Variants in FOXK1 observed in about 807,000 individuals in gnomAD.
FOXK1 encodes the protein forkhead box protein K1.
A neutral mutation model predicts 51.9 loss-of-function variants in FOXK1; 19 were observed. The observed-to-expected ratio is 0.37, with a 90% CI of 0.26 to 0.54. FOXK1 has a LOEUF of 0.54. Ranked by LOEUF, FOXK1 falls within the 20% of genes least tolerant of loss-of-function variation. The probability of loss-of-function intolerance (pLI) is 0.87; values close to 1 mark genes in which losing one functional copy is unlikely to be tolerated. For synonymous variants in FOXK1, 537 were observed against 482.6 expected (o/e 1.11, Z -1.48); for missense variants, 870 against 1,032.7 (o/e 0.84, Z 2.16).
At position 4,725,247 on chromosome 7, in the gene FOXK1, C is replaced by T. The variant is rs551519934; in HGVS notation, c.561-15591C>T. On this transcript the variant is annotated intron_variant, in intron 1 of 8. Coordinates refer to ENST00000328914, the MANE Select transcript of FOXK1 (RefSeq NM_001037165.2). ...CCTCTTGAGAATAGCAGTGCCCAGG[C>T]TTTGGCCCAGGTGGCCGGAACGCCC... Among the ~76,000 whole-genome samples the T allele has an allele frequency of 6.4e-3, 974 of 152,382 alleles. 10 individuals are homozygous for T. Among genetic ancestry groups the T allele is most frequent in the Non-Finnish European group, 9.7e-3 (661 of 68,044 alleles).
chr7:4,708,870 T>G (rs1024320003), intron 1 of FOXK1, among the ~76,000 whole-genome samples: 3 of 151,974 alleles, frequency 2.0e-5, no homozygotes, highest in African/African-American at 4.8e-5. Flanking sequence ...TTCAAGACCA[T>G]CCTGGTCAAC....
chr7:4,768,336 G>A lies in FOXK1; in HGVS notation c.*5872G>A, dbSNP rs1458762279. The A allele has an allele frequency of 7.2e-6, 1 of 139,324 alleles. No homozygotes were observed. The highest frequency in any genetic ancestry group is 1.5e-5 in the Non-Finnish European group (1 of 67,166). The allele number at this position is 139,324 out of a possible 1,614,324, so 8.6% of individuals were successfully genotyped here. A position where few individuals can be genotyped will look rare whatever the true frequency, so the allele number is the denominator to read the frequency against. ...TTTAGTAGAGACGGGGTTTCACCGT[G>A]TTAGCCAGGATGGTCTCGATCTCCT... is the stretch of plus-strand genomic sequence containing the variant. On this transcript the variant is annotated 3_prime_UTR_variant, in exon 9 of 9. Transcript: ENST00000328914.
At chr7:4,726,814 C>A (rs930034876) in intron 1 of FOXK1, among the ~76,000 whole-genome samples, 2 of 152,236 alleles carry the variant, frequency 1.3e-5, no homozygotes, top group Non-Finnish European at 2.9e-5. Context: ...TTCCCTCAAA[C>A]TCTGTGTATT....
chr7:4,726,538 C>T (rs1211609642), intron 1 of FOXK1, among the ~76,000 whole-genome samples: 1 of 152,058 alleles, frequency 6.6e-6, no homozygotes, highest in African/African-American at 2.4e-5. Flanking sequence ...AGGAGAATCG[C>T]TTGAACCCGA....
At chr7:4,705,552 T>TCACTCTCG (rs760518643) in intron 1 of FOXK1, among the ~76,000 whole-genome samples, 1 of 143,582 alleles carries the variant, frequency 7.0e-6, no homozygotes, top group Non-Finnish European at 1.5e-5. Flanking sequence ...TCTCTCTCTC[T>TCACTCTCG]CTCTCTCGCT....
rs560777129 is a variant in FOXK1 at position 4,703,893 on chromosome 7, T to A, written c.560+21025T>A. Among the ~76,000 whole-genome samples the A allele has an allele frequency of 1.3e-5, 2 of 152,294 alleles. No homozygotes were observed. Among genetic ancestry groups the A allele is most frequent in the East Asian group, 3.9e-4 (2 of 5,180 alleles). On this transcript the variant is annotated intron_variant, in intron 1 of 8. Coordinates refer to ENST00000328914, the MANE Select transcript of FOXK1 (RefSeq NM_001037165.2). This position sits in a 1 kb window ranked among gnomAD's most constrained non-coding sequence, Gnocchi z 5.6. ...TGGCAGTCACATTACATTATGACCA[T>A]GAAGGCTAAATACTCCCAGTCACTA...
In FOXK1 at chr7:4,747,114, T is replaced by C. The variant is rs1476238965; in HGVS notation, c.746+6091T>C. On this transcript the variant is annotated intron_variant, in intron 2 of 8. Transcript: ENST00000328914. This position sits in a 1 kb window ranked among gnomAD's most constrained non-coding sequence, Gnocchi z 9.2. ...AAGTCCTTGTGTTTGTCCGAATCTG[T>C]TGAAAGGACATCCCCACGCCCGCGT... Among the ~76,000 whole-genome samples, 1 of 152,180 alleles carries C rather than the reference T, an allele frequency of 6.6e-6. No homozygotes were observed. The highest frequency in any genetic ancestry group is 2.4e-5 in the African/African-American group (1 of 41,446).
Position 4,735,181 on chromosome 7 carries a change from A to T in FOXK1, c.561-5657A>T, listed in dbSNP as rs1452614834. 6.6e-6 allele frequency among the ~76,000 whole-genome samples: 1 copy of T among 151,664 alleles called. No individual in the cohort carries two copies. The highest frequency in any genetic ancestry group is 6.6e-5 in the Admixed American group (1 of 15,200). ...GCCAGTTCCAGCTCGCTGTGTAGAG[A>T]CGGCTCTGTGGTCTGAGGCTGAGCC... On this transcript the variant is annotated intron_variant, in intron 1 of 8. Coordinates refer to ENST00000328914, the MANE Select transcript of FOXK1 (RefSeq NM_001037165.2). The surrounding 1 kb of genome is among the most constrained non-coding windows in gnomAD (Gnocchi z 4.7).
intron 2 of FOXK1, among the ~76,000 whole-genome samples, chr7:4,741,383 C>G (rs972876830): frequency 2.0e-5 from 3 of 152,060 alleles, no homozygotes; most frequent in Non-Finnish European, 2.9e-5. Context: ...GGCTAGAGAG[C>G]AGTGGCGCGA....
In FOXK1 at chr7:4,722,564, G is replaced by A. The variant is rs539941501; in HGVS notation, c.561-18274G>A. On this transcript the variant is annotated intron_variant, in intron 1 of 8. Transcript: ENST00000328914. This position sits in a 1 kb window ranked among gnomAD's most constrained non-coding sequence, Gnocchi z 5.1. ...TCGTGCCTGTTAACCGCACACCTGC[G>A]TGCAGCACGGGCACACTCGTATACA... Among the ~76,000 whole-genome samples, 215 of 152,356 alleles carry A rather than the reference G, an allele frequency of 1.4e-3. 1 individual carries two copies. The highest frequency in any genetic ancestry group is 3.4e-3 in the Middle Eastern group (1 of 294).
In FOXK1 at chr7:4,755,368, C is replaced by T. The variant is rs112344773; in HGVS notation, c.1035C>T (p.Ala345=). The T allele has an allele frequency of 1.6e-4, 256 of 1,613,536 alleles. No homozygotes were observed. The African/African-American group carries it at 2.4e-3, about 15-fold the overall frequency. ...AGCATTACCCCTACTACCGGACGGC[C>T]GACAAAGGCTGGCAGGTGAAGCCGA... ...ITKHYPYYRT[A]DKGWQNSIRH... is the part of the protein sequence containing the mutation. The change falls in exon 4 of 9, where the codon GCC becomes GCT. Residue 345 remains alanine (A), a synonymous_variant. Coordinates refer to ENST00000328914, the MANE Select transcript of FOXK1 (RefSeq NM_001037165.2). The surrounding 1 kb of genome is among the most constrained non-coding windows in gnomAD (Gnocchi z 6.6).
Position 4,704,450 on chromosome 7 carries a change from C to CAAAA in FOXK1, c.560+21597_560+21600dup, listed in dbSNP as rs3050383. Among the ~76,000 whole-genome samples, 32 of 66,432 alleles carry CAAAA rather than the reference C, an allele frequency of 4.8e-4. 1 individual carries two copies. The highest frequency in any genetic ancestry group is 1.6e-3 in the African/African-American group (30 of 19,352). 43.6% of individuals were successfully genotyped at this position (66,432 alleles called of 152,430 possible). A position where few individuals can be genotyped will look rare whatever the true frequency, so the allele number is the denominator to read the frequency against. On this transcript the variant is annotated intron_variant, in intron 1 of 8. Transcript: ENST00000328914. ...TGGGCAACAGAGTGAGACTCTGTCT[C>CAAAA]AAAAAAAAAAAAAAAAAAGAAAAGA... is the stretch of plus-strand genomic sequence containing the variant.
rs1168010459 is a variant in FOXK1, at chr7:4,682,470, G to GCCGCCGCCA, written c.170_178dup (p.Pro57_Pro59dup). 1.6e-4 allele frequency: 154 copies of GCCGCCGCCA among 986,198 alleles called. 1 individual carries two copies. In the South Asian group the frequency reaches 2.6e-3, roughly 17 times the overall value. 61.1% of individuals were successfully genotyped at this position (986,198 alleles called of 1,614,324 possible). A position where few individuals can be genotyped will look rare whatever the true frequency, so the allele number is the denominator to read the frequency against. The stretch of plus-strand genomic sequence containing the variant: ...CCCAGCCTCCGCCCGGGCCGCCGCC[G>GCCGCCGCCA]CCGCCGCCACCGCCGCTGCCTCCGG... On this transcript the variant is annotated inframe_insertion, in exon 1 of 9. Transcript: ENST00000328914. This position sits in a 1 kb window ranked among gnomAD's most constrained non-coding sequence, Gnocchi z 7.6.
In FOXK1 at chr7:4,759,493, G is replaced by A; in HGVS notation, c.1594G>A (p.Ala532Thr). The A allele has an allele frequency of 6.3e-7, 1 of 1,578,224 alleles. No homozygotes were observed. The highest frequency in any genetic ancestry group is 8.6e-7 in the Non-Finnish European group (1 of 1,168,124). Residue 532 changes from alanine to threonine, a missense_variant, in exon 7 of 9, where the codon GCC becomes ACC. This residue lies in a region of FOXK1 where 457 missense variants were observed against 510.8 expected (regional missense o/e 0.89). Transcript: ENST00000328914. ...VTMVRVVTTS[A>T]NSANGYILTS... Reference sequence around the variant, plus strand: ...CATGGTCAGGGTGGTCACCACATCTGCCAACTCGGCCAACGGATACATCCT... The same window carrying A: ...CATGGTCAGGGTGGTCACCACATCTACCAACTCGGCCAACGGATACATCCT...
chr7:4,688,180 C>T (rs1779844393), intron 1 of FOXK1, among the ~76,000 whole-genome samples: 2 of 149,998 alleles, frequency 1.3e-5, no homozygotes, highest in South Asian at 2.1e-4. Flanking sequence ...TTCCCCCTCG[C>T]CCCAGTTCTT....
chr7:4,724,278 C>G (rs981824331), intron 1 of FOXK1, among the ~76,000 whole-genome samples: 2 of 152,176 alleles, frequency 1.3e-5, no homozygotes, highest in Admixed American at 6.5e-5. Context: ...TCACTGCAAC[C>G]TCCGTCTCCC....
chr7:4,752,523 A>G (rs940805918), intron 2 of FOXK1, among the ~76,000 whole-genome samples: 4 of 152,174 alleles, frequency 2.6e-5, no homozygotes, highest in Non-Finnish European at 4.4e-5. Context: ...CTGGGCCATC[A>G]CTGTTTGTTG....
At position 4,732,754 on chromosome 7, in the gene FOXK1, T is replaced by G. The variant is rs141731885; in HGVS notation, c.561-8084T>G. On this transcript the variant is annotated intron_variant, in intron 1 of 8. Transcript: ENST00000328914. ...GCTATTCACTGAGTTTTCGCCCTGTTGTAGACACACATGGCTTTCCGTTAG... is the reference window on the plus strand; with the variant it reads ...GCTATTCACTGAGTTTTCGCCCTGTGGTAGACACACATGGCTTTCCGTTAG... 4.0e-3 allele frequency among the ~76,000 whole-genome samples: 605 copies of G among 152,366 alleles called. 4 individuals carry two copies. The highest frequency in any genetic ancestry group is 6.5e-3 in the Non-Finnish European group (441 of 68,038).
At chr7:4,721,736 G>A (rs551315057) in intron 1 of FOXK1, among the ~76,000 whole-genome samples, 1 of 151,662 alleles carries the variant, frequency 6.6e-6, no homozygotes, top group Non-Finnish European at 1.5e-5. Context: ...GATTACAGGC[G>A]TGAGACACCA....
Sources: gnomAD v4.1 joint callset for allele counts (sites outside exome capture counted in the v4.1 genomes callset) on GRCh38, gnomAD v4.1.1 for gene constraint, gnomAD v4.1.1 regional missense constraint, Gnocchi (gnomAD v3.1) non-coding constraint, MANE v1.5 for transcripts, NCBI Gene and HGNC (gene_info 2026-07-23, HGNC 2026-07-21) for gene names.